ACACB: variants seen among roughly 807,000 people sequenced by gnomAD.
ACACB encodes acetyl-CoA carboxylase beta, also known as acetyl-CoA carboxylase 2.
In ACACB, 209 loss-of-function variants were observed where a neutral mutation model predicts 278.8. That is an observed-to-expected ratio of 0.75 (90% CI 0.67 to 0.84). The LOEUF (loss-of-function observed/expected upper bound fraction) is 0.84, where lower values mean the gene tolerates loss of function less well. Ranked by LOEUF, ACACB falls within the 40% of genes least tolerant of loss-of-function variation. The probability of loss-of-function intolerance (pLI) is 0.00; values close to 1 mark genes in which losing one functional copy is unlikely to be tolerated. For synonymous variants in ACACB, 1,174 were observed against 1,285.6 expected, an observed-to-expected ratio of 0.91 and a Z score of 1.86; for missense variants, 2,850 against 3,269.0, an observed-to-expected ratio of 0.87 and a Z score of 3.13.
At chr12:109,119,634 C>T (rs1436534435) in intron 1 of ACACB, among the ~76,000 whole-genome samples, 1 of 151,088 alleles carries the variant, frequency 6.6e-6, no homozygotes, top group Non-Finnish European at 1.5e-5. Context: ...GGGTGGCTCA[C>T]GCCTATAATC....
Position 109,171,908 on chromosome 12 carries a change from C to T in ACACB, c.1029C>T (p.Pro343=), listed in dbSNP as rs147020981. 9.7e-4 allele frequency: 1,566 copies of T among 1,613,588 alleles called. 7 individuals are homozygous for T. The highest frequency in any genetic ancestry group is 5.4e-3 in the South Asian group (488 of 91,070). Residue 343 remains proline (P), a synonymous_variant, in exon 5 of 53, where the codon CCC becomes CCT. Coordinates refer to ENST00000338432, the MANE Select transcript of ACACB (RefSeq NM_001093.4). Reference sequence around the variant, plus strand: ...TTGTGGACATTGCCAAGAGAATCCCCGTGCAGGTAGATGGACTGGGGTGCC... The same window carrying T: ...TTGTGGACATTGCCAAGAGAATCCCTGTGCAGGTAGATGGACTGGGGTGCC... ...ELIVDIAKRI[P]VQAVWAGWGH...
chr12:109,254,418 C>G (rs1325047039), intron 44 of ACACB, 84 bp downstream of exon 44: 3 of 1,371,614 alleles, frequency 2.2e-6, no homozygotes, highest in Non-Finnish European at 3.0e-6. Flanking sequence ...GTCTCAAGCG[C>G]TTGAGACAAA....
intron 47 of ACACB, 137 bp from the exon 48 acceptor site, chr12:109,260,343 C>G: frequency 8.3e-7 from 1 of 1,205,048 alleles, no homozygotes; most frequent in South Asian, 1.4e-5. Context: ...GTGATCAGTA[C>G]TCTCAAATCC....
intron 28 of ACACB, among the ~76,000 whole-genome samples, chr12:109,231,400 G>A (rs2046466375): frequency 6.6e-6 from 1 of 152,136 alleles, no homozygotes; most frequent in African/African-American, 2.4e-5. Flanking sequence ...ATGAACACAT[G>A]TTAATTCATG....
At chr12:109,123,457 C>T (rs924896697) in intron 1 of ACACB, among the ~76,000 whole-genome samples, 2 of 151,670 alleles carry the variant, frequency 1.3e-5, no homozygotes, top group Admixed American at 1.3e-4. Context: ...TTTGGGAGGC[C>T]GAGGCGGGCA....
chr12:109,220,087 C>T (rs1295302361), intron 24 of ACACB, among the ~76,000 whole-genome samples: 2 of 152,190 alleles, frequency 1.3e-5, no homozygotes, highest in Non-Finnish European at 2.9e-5. Flanking sequence ...TATTGACTCT[C>T]TTCTGGGCAT....
At chr12:109,218,384 GTTTGTT>G (rs1210044169) in intron 24 of ACACB, among the ~76,000 whole-genome samples, 11 of 151,618 alleles carry the variant, frequency 7.3e-5, no homozygotes, top group Non-Finnish European at 1.6e-4. Context: ...TTGTTTGTTT[GTTTGTT>G]TGTTTGTTTG....
At chr12:109,190,622 C>G (rs959468148) in intron 13 of ACACB, among the ~76,000 whole-genome samples, 1 of 54,956 alleles carries the variant, frequency 1.8e-5, no homozygotes, top group Admixed American at 2.1e-4. Context: ...CCGATTTTCC[C>G]TTTGTTTTTT....
intron 25 of ACACB, 54 bp from the exon 26 acceptor site, chr12:109,222,745 C>T (rs2046209140): frequency 5.1e-6 from 8 of 1,564,030 alleles, no homozygotes; most frequent in Non-Finnish European, 7.0e-6. Flanking sequence ...CGAGCCTCTG[C>T]CTTCTGCCCT....
intron 28 of ACACB, 102 bp downstream of exon 28, chr12:109,227,591 G>GATGTCTCCCCAGCAGCGTGC: frequency 1.8e-6 from 2 of 1,092,904 alleles, no homozygotes; most frequent in Non-Finnish European, 2.7e-6. Flanking sequence ...TGGGCACGCT[G>GATGTCTCCCCAGCAGCGTGC]CTGGGGAGAC....
chr12:109,266,487 G>T lies in ACACB; in HGVS notation c.*125G>T. 1.6e-6 allele frequency: 2 copies of T among 1,264,014 alleles called. No homozygotes were observed. The highest frequency in any genetic ancestry group is 2.1e-6 in the Non-Finnish European group (2 of 957,656). The allele number at this position is 1,264,014 out of a possible 1,614,324, so 78.3% of individuals were successfully genotyped here. On this transcript the variant is annotated 3_prime_UTR_variant, in exon 53 of 53. Coordinates refer to ENST00000338432, the MANE Select transcript of ACACB (RefSeq NM_001093.4). ...AAAGAAAATCCTGGGCACTTCTGCAGGGCTGCTGGTTCCGAGCTGACACCC... is the reference window on the plus strand; with the variant it reads ...AAAGAAAATCCTGGGCACTTCTGCATGGCTGCTGGTTCCGAGCTGACACCC...
Position 109,216,940 on chromosome 12 carries a change from G to C in ACACB, c.3564+20G>C, listed in dbSNP as rs201395332. The C allele has an allele frequency of 1.3e-4, 214 of 1,611,176 alleles. No homozygotes were observed. The Middle Eastern group carries it at 1.8e-3, about 14-fold the overall frequency. On this transcript the variant is annotated intron_variant, in intron 24 of 52. Transcript: ENST00000338432. ...TTGATCGTAAGCAGGAAGAGGGCCTGTTACTAGACTGGGGGTGGGTCAGGA... is the reference window on the plus strand; with the variant it reads ...TTGATCGTAAGCAGGAAGAGGGCCTCTTACTAGACTGGGGGTGGGTCAGGA...
At chr12:109,214,707 T>C (rs540736509) in intron 22 of ACACB, among the ~76,000 whole-genome samples, 36 of 152,164 alleles carry the variant, frequency 2.4e-4, no homozygotes, top group Non-Finnish European at 5.3e-4. Flanking sequence ...GATGCTGCCA[T>C]GAAGCGTCTA....
chr12:109,259,208 A>G, intron 47 of ACACB, 100 bp downstream of exon 47: 1 of 1,411,948 alleles, frequency 7.1e-7, no homozygotes, highest in African/African-American at 1.4e-5. Flanking sequence ...TGTGCCCATC[A>G]TCATCTTAGC....
chr12:109,179,371 G>A (rs890103911), intron 10 of ACACB, 74 bp downstream of exon 10: 30 of 1,475,524 alleles, frequency 2.0e-5, no homozygotes, highest in Non-Finnish European at 2.4e-5. Context: ...AACTTTCTAC[G>A]GTCAGTGTGG....
At chr12:109,114,234 T>C (rs2042361050), upstream of ACACB, among the ~76,000 whole-genome samples, 2 of 152,152 alleles carry the variant, frequency 1.3e-5, no homozygotes, top group Non-Finnish European at 2.9e-5. Flanking sequence ...AATATAAATA[T>C]TGGTGAGCGG....
intron 45 of ACACB, 114 bp from the exon 46 acceptor site, chr12:109,258,154 C>T: frequency 5.6e-6 from 4 of 710,630 alleles, no homozygotes; most frequent in Non-Finnish European, 7.0e-6. Context: ...ATAAAATAAT[C>T]CGCCAGATTA....
chr12:109,256,196 A>G lies in ACACB; in HGVS notation c.6223A>G (p.Met2075Val), dbSNP rs143974380. ...FFDHGSFKEI[M>V]APWAQTVVTG... ...TGACCACGGCAGTTTCAAGGAAATC[A>G]TGGCACCCTGGGCGCAGACCGTGGT... The change falls in exon 45 of 53, where the codon ATG becomes GTG. Residue 2075 changes from methionine (M) to valine (V), a missense_variant. This residue lies in a region of ACACB where 579 missense variants were observed against 684.6 expected (regional missense o/e 0.85). Transcript: ENST00000338432. The G allele has an allele frequency of 4.3e-6, 7 of 1,613,922 alleles. No individual in the cohort carries two copies. The highest frequency in any genetic ancestry group is 1.1e-5 in the South Asian group (1 of 91,090).
chr12:109,183,474 CT>C (rs1009641645), intron 11 of ACACB, among the ~76,000 whole-genome samples: 14 of 152,004 alleles, frequency 9.2e-5, no homozygotes, highest in African/African-American at 3.4e-4. Flanking sequence ...GTGTTTTATG[CT>C]TTTTATTATA....
Sources: gnomAD v4.1 joint callset for allele counts (sites outside exome capture counted in the v4.1 genomes callset) on GRCh38, gnomAD v4.1.1 for gene constraint, gnomAD v4.1.1 regional missense constraint, MANE v1.5 for transcripts, NCBI Gene and HGNC (gene_info 2026-07-23, HGNC 2026-07-21) for gene names.